Variants in DUSP16 observed in about 807,000 individuals in gnomAD.
DUSP16 encodes dual specificity protein phosphatase 16.
In DUSP16, 21 loss-of-function variants were observed where a neutral mutation model predicts 58.3. That is an observed-to-expected ratio of 0.36 (90% CI 0.26 to 0.52). The LOEUF is 0.52. Among genes scored for constraint, DUSP16 ranks in the 20% least tolerant of loss-of-function variants. DUSP16 has a pLI of 0.94. For missense variants in DUSP16, 726 were observed against 819.0 expected, an observed-to-expected ratio of 0.89 and a Z score of 1.39; for synonymous variants, 320 against 323.8, an observed-to-expected ratio of 0.99 and a Z score of 0.12.
intron 4 of DUSP16, among the ~76,000 whole-genome samples, chr12:12,489,035 G>C (rs756011961): frequency 6.6e-6 from 1 of 152,284 alleles, no homozygotes; most frequent in African/African-American, 2.4e-5. Flanking sequence ...AGCTGAGATC[G>C]CGCCATTGCA....
chr12:12,517,995 A>G (rs1944179448), intron 3 of DUSP16, among the ~76,000 whole-genome samples: 1 of 152,210 alleles, frequency 6.6e-6, no homozygotes, highest in Non-Finnish European at 1.5e-5. Context: ...AGGATAGATT[A>G]AGAACCTTCC....
chr12:12,536,611 G>A (rs138824731), intron 1 of DUSP16, among the ~76,000 whole-genome samples: 1 of 152,200 alleles, frequency 6.6e-6, no homozygotes, highest in African/African-American at 2.4e-5. Context: ...CGGACATGGT[G>A]GCACATGCCT....
intron 3 of DUSP16, among the ~76,000 whole-genome samples, chr12:12,509,575 C>A (rs1030440119): frequency 2.6e-5 from 4 of 152,058 alleles, no homozygotes; most frequent in African/African-American, 7.2e-5. Context: ...TTTGGCAGTA[C>A]CTACCACTGA....
chr12:12,481,967 C>T (rs1473028548), intron 5 of DUSP16, among the ~76,000 whole-genome samples: 1 of 152,162 alleles, frequency 6.6e-6, no homozygotes, highest in East Asian at 1.9e-4. Context: ...CTGTACATTT[C>T]CTAGCCCCTA....
intron 4 of DUSP16, among the ~76,000 whole-genome samples, chr12:12,489,416 C>A (rs1412635861): frequency 6.6e-6 from 1 of 152,182 alleles, no homozygotes; most frequent in Non-Finnish European, 1.5e-5. Context: ...GAAACTGATT[C>A]AGGATCACTC....
intron 1 of DUSP16, among the ~76,000 whole-genome samples, chr12:12,550,272 CAAAAA>C (rs35519025): frequency 1.0e-5 from 1 of 97,414 alleles, no homozygotes; most frequent in South Asian, 3.4e-4. Flanking sequence ...GACTCCGTCT[CAAAAA>C]AAAAAAAAAA....
chr12:12,508,188 T>C (rs1178912833), intron 3 of DUSP16, among the ~76,000 whole-genome samples: 2 of 152,334 alleles, frequency 1.3e-5, no homozygotes, highest in African/African-American at 4.8e-5. Context: ...TTAAGAGTAA[T>C]TCTGTTATGC....
In DUSP16 at chr12:12,476,185, G is replaced by A. The variant is rs905791135; in HGVS notation, c.*648C>T. On this transcript the variant is annotated 3_prime_UTR_variant, in exon 7 of 7. Coordinates refer to ENST00000298573, the MANE Select transcript of DUSP16 (RefSeq NM_030640.3). ...TACCTATTCACAATGCCTAGAAAAT[G>A]GGCTACCAGATATGGTAGTGGTCAA... The A allele has an allele frequency of 2.0e-5, 3 of 152,674 alleles. No homozygotes were observed. The highest frequency in any genetic ancestry group is 7.2e-5 in the African/African-American group (3 of 41,446). 9.5% of individuals were successfully genotyped at this position (152,674 alleles called of 1,614,324 possible).
intron 1 of DUSP16, among the ~76,000 whole-genome samples, chr12:12,555,861 G>C (rs927589916): frequency 6.6e-6 from 1 of 152,004 alleles, no homozygotes; most frequent in South Asian, 2.1e-4. Context: ...GGGCAACATA[G>C]CAAGACCCTG....
intron 4 of DUSP16, among the ~76,000 whole-genome samples, chr12:12,489,448 A>G (rs1242823185): frequency 6.6e-6 from 1 of 152,236 alleles, no homozygotes; most frequent in African/African-American, 2.4e-5. Context: ...GAAGTGGGTC[A>G]CTGGAGTTAA....
At chr12:12,542,752 C>T (rs1944583743) in intron 1 of DUSP16, among the ~76,000 whole-genome samples, 1 of 152,114 alleles carries the variant, frequency 6.6e-6, no homozygotes. Context: ...ACTAAAGACA[C>T]AAGTAAATGT....
rs767817494 is a variant in DUSP16, at chr12:12,477,638, C to T, written c.1193G>A (p.Arg398His). Reference sequence around the variant, plus strand: ...TGATTTGATATCCAGAGAGAAGGAACGCTTGAGCTTATTGCTGTCTTCCAG... The same window carrying T: ...TGATTTGATATCCAGAGAGAAGGAATGCTTGAGCTTATTGCTGTCTTCCAG... ...DRLEDSNKLK[R>H]SFSLDIKSVS... The change falls in exon 7 of 7, where the codon CGT becomes CAT. Residue 398 changes from arginine (R) to histidine (H), a missense_variant. Coordinates refer to ENST00000298573, the MANE Select transcript of DUSP16 (RefSeq NM_030640.3). This position sits in a 1 kb window ranked among gnomAD's most constrained non-coding sequence, Gnocchi z 4.1. 13 of 1,614,192 alleles carry T rather than the reference C, an allele frequency of 8.1e-6. No individual in the cohort carries two copies. The highest frequency in any genetic ancestry group is 1.6e-4 in the Middle Eastern group (1 of 6,062).
chr12:12,530,850 T>G (rs1456098994), intron 1 of DUSP16, among the ~76,000 whole-genome samples: 1 of 152,158 alleles, frequency 6.6e-6, no homozygotes, highest in Non-Finnish European at 1.5e-5. Context: ...GTGAAAAAAG[T>G]CTATACAAGG....
intron 1 of DUSP16, among the ~76,000 whole-genome samples, chr12:12,522,961 T>C (rs1944257231): frequency 6.6e-6 from 1 of 152,240 alleles, no homozygotes; most frequent in South Asian, 2.1e-4. Flanking sequence ...GTAGGTAAAT[T>C]CTTCCTTGTT....
intron 3 of DUSP16, among the ~76,000 whole-genome samples, chr12:12,509,202 G>T (rs921490818): frequency 1.3e-5 from 2 of 152,226 alleles, no homozygotes; most frequent in African/African-American, 4.8e-5. Context: ...TCTGTAGGTA[G>T]GAGAGCCAGA....
intron 1 of DUSP16, among the ~76,000 whole-genome samples, chr12:12,548,592 A>G (rs576908240): frequency 7.1e-6 from 1 of 140,856 alleles, no homozygotes; most frequent in South Asian, 2.3e-4. Flanking sequence ...AGATCGCACC[A>G]CTGCACTCCA....
intron 1 of DUSP16, among the ~76,000 whole-genome samples, chr12:12,559,282 A>C (rs1385763884): frequency 1.3e-5 from 2 of 152,216 alleles, no homozygotes. Context: ...CTCCGTTTTA[A>C]ATGATCAGTA....
At position 12,487,048 on chromosome 12, in the gene DUSP16, T is replaced by A. The variant is rs1200099497; in HGVS notation, c.671A>T (p.Asp224Val). Residue 224 changes from aspartate (D) to valine (V), a missense_variant, in exon 5 of 7, where the codon GAC becomes GTC. Coordinates refer to ENST00000298573, the MANE Select transcript of DUSP16 (RefSeq NM_030640.3). Reference protein sequence around the residue: ...SFCEKILPWLDKSVDFIEKAK... With the variant: ...SFCEKILPWLVKSVDFIEKAK... ...CTTACCAATGAAATCTACTGATTTG[T>A]CCAACCACGGCAAAATTTTCTCACA... is the stretch of plus-strand genomic sequence containing the variant. 6.2e-7 allele frequency: 1 copy of A among 1,614,086 alleles called. No homozygotes were observed. The highest frequency in any genetic ancestry group is 8.5e-7 in the Non-Finnish European group (1 of 1,179,938).
At chr12:12,553,505 G>A (rs530157681) in intron 1 of DUSP16, among the ~76,000 whole-genome samples, 2 of 152,260 alleles carry the variant, frequency 1.3e-5, no homozygotes, top group African/African-American at 4.8e-5. Flanking sequence ...ATTATTACAA[G>A]ATCTCAAAGT....
Sources: allele counts gnomAD v4.1 joint callset (sites outside exome capture counted in the v4.1 genomes callset), GRCh38; gene constraint gnomAD v4.1.1; non-coding constraint Gnocchi (gnomAD v3.1); transcripts MANE v1.5; gene names NCBI Gene and HGNC (gene_info 2026-07-23, HGNC 2026-07-21).